The following CREBZF variants were observed in gnomAD, a reference collection of about 807,000 sequenced individuals.
CREBZF encodes the protein HCF-binding transcription factor Zhangfei.
CREBZF carries 8 observed loss-of-function variants against 21.1 expected under a neutral mutation model. That is an observed-to-expected ratio of 0.38 (90% CI 0.22 to 0.68). CREBZF has a LOEUF of 0.68. CREBZF is among the 30% of genes least tolerant of loss of function. The pLI is 0.51. For synonymous variants in CREBZF, 270 were observed against 223.3 expected, an observed-to-expected ratio of 1.21 and a Z score of -1.86; for missense variants, 518 against 484.3, an observed-to-expected ratio of 1.07 and a Z score of -0.65.
In CREBZF at chr11:85,662,515, T is replaced by C. The variant is rs1460783883; in HGVS notation, c.*1296A>G. The C allele has an allele frequency of 1.4e-6, 1 of 689,952 alleles. No individual in the cohort carries two copies. Among genetic ancestry groups the C allele is most frequent in the African/African-American group, 1.8e-5 (1 of 56,174 alleles). 42.7% of individuals were successfully genotyped at this position (689,952 alleles called of 1,614,324 possible). A position where few individuals can be genotyped will look rare whatever the true frequency, so the allele number is the denominator to read the frequency against. On this transcript the variant is annotated 3_prime_UTR_variant, in exon 1 of 1. Coordinates refer to ENST00000527447, the MANE Select transcript of CREBZF (RefSeq NM_001039618.4). ...ACGTATATACTTTATCAAGCAGTGA[T>C]GTTTCACAAAGAATTTCTTAATGCC... is the stretch of plus-strand genomic sequence containing the variant.
chr11:85,670,300 CTTTTTTTTTTTT>C (rs1178979017), intron 1 of CREBZF, among the ~76,000 whole-genome samples: 2 of 39,218 alleles, frequency 5.1e-5, no homozygotes, highest in African/African-American at 2.5e-4. Flanking sequence ...ATCTCAAGTT[CTTTTTTTTTTTT>C]TTTTTTTTTT....
At chr11:85,666,409 T>G (rs1382332128), upstream of CREBZF, among the ~76,000 whole-genome samples, 1 of 152,208 alleles carries the variant, frequency 6.6e-6, no homozygotes, top group East Asian at 1.9e-4. Context: ...ATCTTGGAAT[T>G]GGATGGATGC....
Position 85,664,730 on chromosome 11 carries a change from C to A in CREBZF, c.146G>T (p.Gly49Val), listed in dbSNP as rs749061173. 4 of 1,602,686 alleles carry A rather than the reference C, an allele frequency of 2.5e-6. No homozygotes were observed. The highest frequency in any genetic ancestry group is 3.4e-6 in the Non-Finnish European group (4 of 1,176,512). ...AAGEEETAAA[G>V]SPGRKQQFGD... ...AAACTGCTGCTTGCGGCCGGGAGAT[C>A]CGGCCGCCGCCGTCTCCTCCTCCCC... The change falls in exon 1 of 1, where the codon GGA (glycine) becomes GTA (valine). Residue 49 changes from glycine (G) to valine (V), a missense_variant. This residue lies in a region of CREBZF where 396 missense variants were observed against 324.4 expected (regional missense o/e 1.22). Coordinates refer to ENST00000527447, the MANE Select transcript of CREBZF (RefSeq NM_001039618.4). The surrounding 1 kb of genome is among the most constrained non-coding windows in gnomAD (Gnocchi z 5.5).
Position 85,664,221 on chromosome 11 carries a change from G to A in CREBZF, c.655C>T (p.Arg219Cys). 6.2e-7 allele frequency: 1 copy of A among 1,612,712 alleles called. No individual in the cohort carries two copies. The highest frequency in any genetic ancestry group is 8.5e-7 in the Non-Finnish European group (1 of 1,179,800). ...SPRKAAAAAARLNRLKKKEYV... is the reference protein window; with the variant it reads ...SPRKAAAAAACLNRLKKKEYV... ...TCCTTCTTCTTCAGTCGATTAAGGCGGGCAGCGGCCGCCGCCGCCTTCCGG... is the reference window on the plus strand; with the variant it reads ...TCCTTCTTCTTCAGTCGATTAAGGCAGGCAGCGGCCGCCGCCGCCTTCCGG... The change falls in exon 1 of 1, where the codon CGC becomes TGC. Residue 219 changes from arginine (R) to cysteine (C), a missense_variant. Coordinates refer to ENST00000527447, the MANE Select transcript of CREBZF (RefSeq NM_001039618.4). The surrounding 1 kb of genome is among the most constrained non-coding windows in gnomAD (Gnocchi z 5.5).
At chr11:85,682,610 C>G (rs118027748) in intron 1 of CREBZF, 23,894 of 350,346 alleles carry the variant, frequency 0.068, 2,288 homozygotes, top group East Asian at 0.14. Flanking sequence ...CCCTACTCCC[C>G]CCAACGCGAT....
At position 85,660,985 on chromosome 11, in the gene CREBZF, T is replaced by C. The variant is rs531667866; in HGVS notation, c.*2826A>G. 2 of 154,960 alleles carry C rather than the reference T, an allele frequency of 1.3e-5. No individual in the cohort carries two copies. The highest frequency in any genetic ancestry group is 3.9e-4 in the South Asian group (2 of 5,146). The allele number at this position is 154,960 out of a possible 1,614,324, so 9.6% of individuals were successfully genotyped here. A position where few individuals can be genotyped will look rare whatever the true frequency, so the allele number is the denominator to read the frequency against. On this transcript the variant is annotated 3_prime_UTR_variant, in exon 1 of 1. Transcript: ENST00000527447. Reference sequence around the variant, plus strand: ...CCAAACCTAGAAATTTCAAAAACAATCCATTTTATATTCCAGAAATCTCCT... The same window carrying C: ...CCAAACCTAGAAATTTCAAAAACAACCCATTTTATATTCCAGAAATCTCCT...
chr11:85,661,134 C>G lies in CREBZF; in HGVS notation c.*2677G>C, dbSNP rs1338375335. ...GGACACTTTAAGATATTGTTTACTACATACTGAAATAAACAGATCTGTTTA... is the reference window on the plus strand; with the variant it reads ...GGACACTTTAAGATATTGTTTACTAGATACTGAAATAAACAGATCTGTTTA... On this transcript the variant is annotated 3_prime_UTR_variant, in exon 1 of 1. Coordinates refer to ENST00000527447, the MANE Select transcript of CREBZF (RefSeq NM_001039618.4). 6.5e-6 allele frequency: 1 copy of G among 152,804 alleles called. No individual in the cohort carries two copies. Among genetic ancestry groups the G allele is most frequent in the Non-Finnish European group, 1.5e-5 (1 of 68,198 alleles). The allele number at this position is 152,804 out of a possible 1,614,324, so 9.5% of individuals were successfully genotyped here.
At position 85,664,867 on chromosome 11, in the gene CREBZF, A is replaced by T; in HGVS notation, c.9T>A (p.His3Gln). Residue 3 changes from histidine (H) to glutamine (Q), a missense_variant, in exon 1 of 1, where the codon CAT becomes CAA. By Grantham distance (24) the His-to-Gln change is conservative. Transcript: ENST00000527447. This position sits in a 1 kb window ranked among gnomAD's most constrained non-coding sequence, Gnocchi z 5.5. ...AGGCTGCCAGCAGCTTGGTCAGGCT[A>T]TGCCTCATGAGGGCCAGCGGCGGGC... MR[H>Q]SLTKLLAASG... 6.7e-7 allele frequency: 1 copy of T among 1,498,420 alleles called. No homozygotes were observed. The highest frequency in any genetic ancestry group is 8.9e-7 in the Non-Finnish European group (1 of 1,128,776). 92.8% of individuals were successfully genotyped at this position (1,498,420 alleles called of 1,614,324 possible). A position where few individuals can be genotyped will look rare whatever the true frequency, so the allele number is the denominator to read the frequency against.
intron 1 of CREBZF, among the ~76,000 whole-genome samples, chr11:85,671,287 T>C (rs1029400110): frequency 6.6e-6 from 1 of 152,160 alleles, no homozygotes; most frequent in Non-Finnish European, 1.5e-5. Context: ...TTCAATTACC[T>C]CCCACTGGGT....
At chr11:85,666,934 G>A (rs377501785), upstream of CREBZF, among the ~76,000 whole-genome samples, 5 of 152,218 alleles carry the variant, frequency 3.3e-5, no homozygotes, top group African/African-American at 9.6e-5. Flanking sequence ...GGTGATATAT[G>A]TATACTCTGG....
At chr11:85,675,483 A>G (rs2082936471) in intron 1 of CREBZF, among the ~76,000 whole-genome samples, 1 of 152,220 alleles carries the variant, frequency 6.6e-6, no homozygotes, top group Non-Finnish European at 1.5e-5. Context: ...GAAGTTTGCC[A>G]TCTTATATGG....
At chr11:85,681,587 T>C (rs1438206758) in intron 1 of CREBZF, among the ~76,000 whole-genome samples, 1 of 152,184 alleles carries the variant, frequency 6.6e-6, no homozygotes, top group East Asian at 1.9e-4. Flanking sequence ...AAGTCACACC[T>C]ATCAGCTACA....
exon 1 of CREBZF, chr11:85,682,843 G>C: frequency 1.4e-6 from 1 of 702,352 alleles, no homozygotes; most frequent in Non-Finnish European, 2.6e-6. Flanking sequence ...TGGATGAGCC[G>C]AGCTTGGACG....
chr11:85,663,766 G>A lies in CREBZF; in HGVS notation c.*45C>T, dbSNP rs375094844. 16 of 1,583,198 alleles carry A rather than the reference G, an allele frequency of 1.0e-5. No individual in the cohort carries two copies. Among genetic ancestry groups the A allele is most frequent in the African/African-American group, 1.3e-5 (1 of 74,298 alleles). ...TAAGGTAAGTTTGACATGGTGTAAG[G>A]GAGTTGAAAGGGGTAAACGCGGATA... On this transcript the variant is annotated 3_prime_UTR_variant, in exon 1 of 1. Transcript: ENST00000527447.
Position 85,664,291 on chromosome 11 carries a change from A to ACCG in CREBZF, c.582_584dup (p.Gly197dup). The ACCG allele has an allele frequency of 6.2e-7, 1 of 1,612,058 alleles. No individual in the cohort carries two copies. On this transcript the variant is annotated inframe_insertion, in exon 1 of 1. Transcript: ENST00000527447. This position sits in a 1 kb window ranked among gnomAD's most constrained non-coding sequence, Gnocchi z 5.5. ...GGTTGTTGTCGTTACCGCTGCCGCC[A>ACCG]CCGCCGCCTCCTCCTGGGGACTTTC... is the stretch of plus-strand genomic sequence containing the variant.
At position 85,659,391 on chromosome 11, in the gene CREBZF, C is replaced by T. The variant is rs1251418706; in HGVS notation, c.*4420G>A. Among the ~76,000 whole-genome samples the T allele has an allele frequency of 3.3e-5, 5 of 151,988 alleles. No homozygotes were observed. The highest frequency in any genetic ancestry group is 6.6e-5 in the Admixed American group (1 of 15,242). The stretch of plus-strand genomic sequence containing the variant: ...TAAGGTCACCAAATAATGTTGGTGC[C>T]TTTGGTTCTGGAATTATAACTAGCT... On this transcript the variant is annotated 3_prime_UTR_variant, in exon 1 of 1. Transcript: ENST00000527447.
rs750289496 is a variant in CREBZF, at chr11:85,664,320, G to C, written c.556C>G (p.Arg186Gly). The part of the protein sequence containing the change: ...SSDSGSAEKR[R>G]RKSPGGGGGG... ...CCGCCTCCTCCTGGGGACTTTCTCCGCCTCTTTTCGGCGCTGCCACTGTCA... is the reference window on the plus strand; with the variant it reads ...CCGCCTCCTCCTGGGGACTTTCTCCCCCTCTTTTCGGCGCTGCCACTGTCA... The change falls in exon 1 of 1, where the codon CGG becomes GGG. Residue 186 changes from arginine to glycine, a missense_variant. Transcript: ENST00000527447. The surrounding 1 kb of genome is among the most constrained non-coding windows in gnomAD (Gnocchi z 5.5). 2 of 1,611,770 alleles carry C rather than the reference G, an allele frequency of 1.2e-6. No individual in the cohort carries two copies. Among genetic ancestry groups the C allele is most frequent in the Admixed American group, 3.3e-5 (2 of 59,742 alleles).
rs758627659 is a variant in CREBZF, at chr11:85,663,777, G to A, written c.*34C>T. ...TGACATGGTGTAAGGGAGTTGAAAG[G>A]GGTAAACGCGGATAAAGAGCAGATT... On this transcript the variant is annotated 3_prime_UTR_variant, in exon 1 of 1. Transcript: ENST00000527447. The A allele has an allele frequency of 5.6e-5, 88 of 1,581,008 alleles. No individual in the cohort carries two copies. Among genetic ancestry groups the A allele is most frequent in the Non-Finnish European group, 6.6e-5 (77 of 1,165,574 alleles).
Position 85,660,857 on chromosome 11 carries a change from A to G in CREBZF, c.*2954T>C. ...ATCAAAAGACAAATATTAAAAAGCTACATCTTTAGTCTAGTTCTGTATTTT... is the reference window on the plus strand; with the variant it reads ...ATCAAAAGACAAATATTAAAAAGCTGCATCTTTAGTCTAGTTCTGTATTTT... On this transcript the variant is annotated 3_prime_UTR_variant, in exon 1 of 1. Transcript: ENST00000527447. The G allele has an allele frequency of 4.5e-6, 1 of 223,106 alleles. No homozygotes were observed. The highest frequency in any genetic ancestry group is 9.0e-6 in the Non-Finnish European group (1 of 110,944). 13.8% of individuals were successfully genotyped at this position (223,106 alleles called of 1,614,324 possible). A position where few individuals can be genotyped will look rare whatever the true frequency, so the allele number is the denominator to read the frequency against.
Sources: gnomAD v4.1 joint callset for allele counts (sites outside exome capture counted in the v4.1 genomes callset) on GRCh38, gnomAD v4.1.1 for gene constraint, gnomAD v4.1.1 regional missense constraint, Gnocchi (gnomAD v3.1) non-coding constraint, MANE v1.5 for transcripts, NCBI Gene and HGNC (gene_info 2026-07-23, HGNC 2026-07-21) for gene names.